APLF: variants seen among roughly 807,000 people sequenced by gnomAD.
The protein encoded by APLF is aprataxin and PNK-like factor.
APLF carries 61 observed loss-of-function variants against 55.6 expected under a neutral mutation model. The observed-to-expected ratio is 1.10, with a 90% CI of 0.89 to 1.36. APLF has a LOEUF of 1.36. APLF is among the 40% of genes most tolerant of loss of function. The probability of loss-of-function intolerance (pLI) is 0.00; values close to 1 mark genes in which losing one functional copy is unlikely to be tolerated. For synonymous variants in APLF, 207 were observed against 214.8 expected (o/e 0.96, Z 0.32); for missense variants, 611 against 602.5 (o/e 1.01, Z -0.15).
chr2:68,498,693 A>G (rs535934679), intron 2 of APLF, among the ~76,000 whole-genome samples: 2 of 152,332 alleles, frequency 1.3e-5, no homozygotes, highest in South Asian at 4.1e-4. Context: ...ACTGATGATG[A>G]TGTTCTTTGT....
intron 2 of APLF, 116 bp downstream of exon 2, chr2:68,490,377 C>A: frequency 1.5e-6 from 1 of 655,432 alleles, no homozygotes; most frequent in Non-Finnish European, 2.4e-6. Context: ...AGAATATACC[C>A]TTCTCATTGC....
chr2:68,569,085 T>G (rs934853358), intron 9 of APLF, among the ~76,000 whole-genome samples: 14 of 152,250 alleles, frequency 9.2e-5, no homozygotes, highest in Non-Finnish European at 1.9e-4. Flanking sequence ...TCATTAAAAT[T>G]TAACAGTACC....
At chr2:68,480,456 A>T (rs1293302346) in intron 1 of APLF, among the ~76,000 whole-genome samples, 1 of 151,320 alleles carries the variant, frequency 6.6e-6, no homozygotes, top group African/African-American at 2.4e-5. Flanking sequence ...GGCGCCCACC[A>T]CCATGTGCAG....
At chr2:68,544,579 A>C (rs756121494) in intron 7 of APLF, among the ~76,000 whole-genome samples, 3 of 152,226 alleles carry the variant, frequency 2.0e-5, no homozygotes, top group Admixed American at 6.5e-5. Flanking sequence ...CAATAAATGC[A>C]CTTTTTCAAT....
chr2:68,578,066 T>C lies in APLF; in HGVS notation c.*44T>C. 6.3e-7 allele frequency: 1 copy of C among 1,575,280 alleles called. No individual in the cohort carries two copies. The highest frequency in any genetic ancestry group is 8.6e-7 in the Non-Finnish European group (1 of 1,162,172). On this transcript the variant is annotated 3_prime_UTR_variant, in exon 10 of 10. Transcript: ENST00000303795. ...ATATCTGCCTTACATTTACTTTTTC[T>C]TTGTGGGAAAACATTTATGAACTAA... is the stretch of plus-strand genomic sequence containing the variant.
intron 5 of APLF, among the ~76,000 whole-genome samples, chr2:68,518,172 T>C (rs1669701201): frequency 9.5e-6 from 1 of 105,480 alleles, no homozygotes. Flanking sequence ...AATAGTAATA[T>C]AATATATTAT....
At position 68,555,507 on chromosome 2, in the gene APLF, A is replaced by G. The variant is rs527346847; in HGVS notation, c.1286+10195A>G. ...ATCAAAAAGTAGGCTAAGGACATGAATAGACAATTTTCAAAAGAGGATATA... is the reference window on the plus strand; with the variant it reads ...ATCAAAAAGTAGGCTAAGGACATGAGTAGACAATTTTCAAAAGAGGATATA... On this transcript the variant is annotated intron_variant, in intron 8 of 9. Transcript: ENST00000303795. Among the ~76,000 whole-genome samples, 32 of 152,286 alleles carry G rather than the reference A, an allele frequency of 2.1e-4. 1 individual carries two copies. The South Asian group carries it at 5.2e-3, about 25-fold the overall frequency.
Position 68,512,505 on chromosome 2 carries a change from A to G in APLF, c.342-575A>G, listed in dbSNP as rs115321253. 5.7e-3 allele frequency among the ~76,000 whole-genome samples: 869 copies of G among 151,916 alleles called. 5 individuals carry two copies. The highest frequency in any genetic ancestry group is 0.02 in the African/African-American group (827 of 41,536). ...CAACAACTTTGGATGACCTTACTGCATATTGCAGAAGTATGAGGTAATTGG... is the reference window on the plus strand; with the variant it reads ...CAACAACTTTGGATGACCTTACTGCGTATTGCAGAAGTATGAGGTAATTGG... On this transcript the variant is annotated intron_variant, in intron 3 of 9. Coordinates refer to ENST00000303795, the MANE Select transcript of APLF (RefSeq NM_173545.3).
At chr2:68,563,224 C>T in intron 8 of APLF, 1 of 985,238 alleles carries the variant, frequency 1.0e-6, no homozygotes, top group Non-Finnish European at 1.2e-6. Flanking sequence ...CTCAAAGAAA[C>T]AACTTTCCCC....
At chr2:68,547,528 G>T (rs1041156566) in intron 8 of APLF, among the ~76,000 whole-genome samples, 1 of 151,578 alleles carries the variant, frequency 6.6e-6, no homozygotes, top group Non-Finnish European at 1.5e-5. Context: ...AGAACAGAAT[G>T]GTACTTCAAA....
chr2:68,484,598 A>G (rs147898966), intron 1 of APLF, among the ~76,000 whole-genome samples: 27 of 151,964 alleles, frequency 1.8e-4, no homozygotes, highest in African/African-American at 5.1e-4. Flanking sequence ...AGGCTGAGGC[A>G]GGAGAATAGC....
At chr2:68,543,389 T>G (rs528030851) in intron 7 of APLF, among the ~76,000 whole-genome samples, 15 of 152,202 alleles carry the variant, frequency 9.9e-5, no homozygotes, top group Non-Finnish European at 2.1e-4. Context: ...GGCCTGCTGT[T>G]CATGGTTTGC....
Position 68,490,260 on chromosome 2 carries a change from C to G in APLF, c.167C>G (p.Pro56Arg), listed in dbSNP as rs533604290. Residue 56 changes from proline to arginine, a missense_variant and splice_region_variant, in exon 2 of 10, where the codon CCG becomes CGG. Pro to Arg is a moderately radical substitution (Grantham distance 103). Transcript: ENST00000303795. ...EVAGGQLRIK[P>R]IHTNPCFYQS... ...GCAGGTGGTCAGCTGCGAATCAAACCGGTAAATATGTTATTAATGATTCAT... is the reference window on the plus strand; with the variant it reads ...GCAGGTGGTCAGCTGCGAATCAAACGGGTAAATATGTTATTAATGATTCAT... 1.2e-6 allele frequency: 2 copies of G among 1,610,686 alleles called. No homozygotes were observed. Among genetic ancestry groups the G allele is most frequent in the South Asian group, 2.2e-5 (2 of 90,568 alleles).
At position 68,545,111 on chromosome 2, in the gene APLF, G is replaced by C. The variant is rs1412797304; in HGVS notation, c.1161-76G>C. ...AAGGATAGCCAGATGTGGATTGTCTGGTTTCCTGCTATATCCACTAAAAAT... is the reference window on the plus strand; with the variant it reads ...AAGGATAGCCAGATGTGGATTGTCTCGTTTCCTGCTATATCCACTAAAAAT... On this transcript the variant is annotated intron_variant, in intron 7 of 9. Transcript: ENST00000303795. 3 of 1,534,292 alleles carry C rather than the reference G, an allele frequency of 2.0e-6. No individual in the cohort carries two copies. In the African/African-American group the frequency reaches 4.1e-5, roughly 21 times the overall value.
intron 3 of APLF, among the ~76,000 whole-genome samples, chr2:68,505,265 A>G (rs145613184): frequency 6.6e-6 from 1 of 152,188 alleles, no homozygotes; most frequent in African/African-American, 2.4e-5. Context: ...AAACTTTCAT[A>G]ATAGAATTAC....
In APLF at chr2:68,467,721, C is replaced by G. The variant is rs1208190373; in HGVS notation, c.-11C>G. The stretch of plus-strand genomic sequence containing the variant: ...CAGTCTCCTGGCGAAGGGGCCTAAT[C>G]CTTGCCCGCCATGTCCGGGGGCTTC... On this transcript the variant is annotated 5_prime_UTR_variant, in exon 1 of 10. In the 5' UTR this introduces an upstream ATG that the reference lacks. Transcript: ENST00000303795. 1 of 1,234,652 alleles carries G rather than the reference C, an allele frequency of 8.1e-7. No homozygotes were observed. Among genetic ancestry groups the G allele is most frequent in the Non-Finnish European group, 1.0e-6 (1 of 987,950 alleles). 76.5% of individuals were successfully genotyped at this position (1,234,652 alleles called of 1,614,324 possible).
At chr2:68,489,984 C>G (rs1012494302) in intron 1 of APLF, among the ~76,000 whole-genome samples, 1 of 152,086 alleles carries the variant, frequency 6.6e-6, no homozygotes, top group African/African-American at 2.4e-5. Context: ...GTTGTTGACT[C>G]TTCCATGACT....
intron 5 of APLF, among the ~76,000 whole-genome samples, chr2:68,520,560 G>C (rs1267025716): frequency 6.6e-6 from 1 of 151,836 alleles, no homozygotes; most frequent in Admixed American, 6.6e-5. Context: ...AGCACCATTT[G>C]TTGAATAGGG....
intron 8 of APLF, among the ~76,000 whole-genome samples, chr2:68,547,649 GA>G (rs1270064794): frequency 6.6e-6 from 1 of 151,468 alleles, no homozygotes; most frequent in Non-Finnish European, 1.5e-5. Context: ...TTCATCTGAA[GA>G]AAAAATAAAA....
Sources: allele counts gnomAD v4.1 joint callset (sites outside exome capture counted in the v4.1 genomes callset), GRCh38; gene constraint gnomAD v4.1.1; transcripts MANE v1.5; gene names NCBI Gene and HGNC (gene_info 2026-07-23, HGNC 2026-07-21).